Variants in NLRP13 observed in about 807,000 individuals in gnomAD.
The protein encoded by NLRP13 is NLR family pyrin domain containing 13.
NLRP13 carries 82 observed loss-of-function variants against 94.4 expected under a neutral mutation model. That is an observed-to-expected ratio of 0.87 (90% CI 0.73 to 1.04). The LOEUF is 1.04. NLRP13 is among the 50% of genes least tolerant of loss of function. The pLI, the probability that NLRP13 is intolerant of heterozygous loss-of-function variation, is 0.00. For missense variants in NLRP13, 1,426 were observed against 1,230.8 expected (o/e 1.16, Z -2.37); for synonymous variants, 553 against 464.7 (o/e 1.19, Z -2.45).
In NLRP13 at chr19:55,911,951, C is replaced by T. The variant is rs1358088255; in HGVS notation, c.1866G>A (p.Glu622=). The part of the protein sequence containing the change: ...VMEELLKWGE[E]LGKAESASLQ... Reference sequence around the variant, plus strand: ...GAGAGGCACTTTCAGCCTTACCTAACTCTTCTCCCCACTTTAATAATTCCT... The same window carrying T: ...GAGAGGCACTTTCAGCCTTACCTAATTCTTCTCCCCACTTTAATAATTCCT... The change falls in exon 5 of 11, where the codon GAG becomes GAA. Residue 622 remains glutamate, a synonymous_variant. Coordinates refer to ENST00000342929, the MANE Select transcript of NLRP13 (RefSeq NM_176810.2). 1.2e-6 allele frequency: 2 copies of T among 1,614,228 alleles called. No individual in the cohort carries two copies. The highest frequency in any genetic ancestry group is 1.3e-5 in the African/African-American group (1 of 75,064).
intron 5 of NLRP13, 144 bp from the exon 6 acceptor site, chr19:55,910,877 T>G: frequency 1.6e-6 from 1 of 635,094 alleles, no homozygotes; most frequent in South Asian, 2.6e-5. Context: ...CTCACGCCTG[T>G]AATCCCACCA....
chr19:55,924,512 A>G, intron 3 of NLRP13, 78 bp downstream of exon 3: 1 of 985,946 alleles, frequency 1.0e-6, no homozygotes, highest in Non-Finnish European at 1.6e-6. Flanking sequence ...AAATTTCAGC[A>G]TAGGCAGCAA....
At chr19:55,892,640 CGAACTCCT>C (rs1167385306), downstream of NLRP13, among the ~76,000 whole-genome samples, 1 of 152,044 alleles carries the variant, frequency 6.6e-6, no homozygotes, top group Non-Finnish European at 1.5e-5. Flanking sequence ...AGGCTGGTCT[CGAACTCCT>C]GACCTCAGGT....
chr19:55,930,900 A>ATTTTTT (rs56336813), intron 1 of NLRP13, among the ~76,000 whole-genome samples: 1,500 of 105,118 alleles, frequency 0.014, 37 homozygotes, highest in East Asian at 0.031. Context: ...ATATATATAA[A>ATTTTTT]ATTTTAACCA....
At chr19:55,931,193 G>T (rs1987123516) in intron 1 of NLRP13, among the ~76,000 whole-genome samples, 2 of 152,072 alleles carry the variant, frequency 1.3e-5, no homozygotes, top group South Asian at 4.1e-4. Context: ...TACTGAGGAA[G>T]CGGGTAGATG....
In NLRP13 at chr19:55,926,478, C is replaced by T. The variant is rs569172487; in HGVS notation, c.320-1443G>A. On this transcript the variant is annotated intron_variant, in intron 1 of 10. Coordinates refer to ENST00000342929, the MANE Select transcript of NLRP13 (RefSeq NM_176810.2). ...GGCATTCCTCCATTCTCTGGTGAGG[C>T]GCACTTATCTGAGTATGTTTTAAAT... Among the ~76,000 whole-genome samples the T allele has an allele frequency of 3.9e-5, 6 of 152,270 alleles. No homozygotes were observed. In the South Asian group the frequency reaches 1.0e-3, roughly 26 times the overall value.
intron 4 of NLRP13, among the ~76,000 whole-genome samples, chr19:55,917,628 A>C (rs1033901037): frequency 1.3e-5 from 2 of 151,988 alleles, no homozygotes; most frequent in African/African-American, 4.8e-5. Context: ...GAGTAGCTAT[A>C]CTTATATTAG....
chr19:55,926,079 G>C (rs1047363836), intron 1 of NLRP13, among the ~76,000 whole-genome samples: 1 of 152,146 alleles, frequency 6.6e-6, no homozygotes, highest in Non-Finnish European at 1.5e-5. Context: ...AAAAGTAGAC[G>C]ATTTTCCCCT....
chr19:55,928,872 T>A (rs1027469225), intron 1 of NLRP13, among the ~76,000 whole-genome samples: 2 of 151,916 alleles, frequency 1.3e-5, no homozygotes, highest in African/African-American at 2.4e-5. Flanking sequence ...TGGGAGAAAA[T>A]TTTTGTAATC....
chr19:55,901,610 G>C (rs1986177857), intron 9 of NLRP13, among the ~76,000 whole-genome samples: 1 of 152,150 alleles, frequency 6.6e-6, no homozygotes, highest in African/African-American at 2.4e-5. Flanking sequence ...GAAGAAGAAA[G>C]GATTGATCAG....
chr19:55,913,244 T>C lies in NLRP13; in HGVS notation c.573A>G (p.Thr191=). The change falls in exon 5 of 11, where the codon ACA becomes ACG. Residue 191 remains threonine (T), a synonymous_variant. Transcript: ENST00000342929. The part of the protein sequence containing the change: ...RENMKAELLE[T]WDNISWPKDH... ...CTTTAGGCCAACTGATGTTGTCCCA[T>C]GTCTCCAGTAGTTCAGCCTTCATGT... The C allele has an allele frequency of 6.2e-7, 1 of 1,614,172 alleles. No individual in the cohort carries two copies. Among genetic ancestry groups the C allele is most frequent in the Non-Finnish European group, 8.5e-7 (1 of 1,180,012 alleles).
intron 4 of NLRP13, among the ~76,000 whole-genome samples, chr19:55,921,771 G>A (rs1986834237): frequency 6.6e-6 from 1 of 152,142 alleles, no homozygotes; most frequent in African/African-American, 2.4e-5. Flanking sequence ...AAAAGACATA[G>A]CAGGTGGCAA....
intron 8 of NLRP13, 143 bp from the exon 9 acceptor site, chr19:55,902,348 G>A (rs898193613): frequency 1.2e-4 from 76 of 654,332 alleles, no homozygotes; most frequent in Non-Finnish European, 1.6e-4. Flanking sequence ...GCTGGACACC[G>A]ACCCAGGCTA....
chr19:55,906,215 G>A (rs1032934946), intron 7 of NLRP13, among the ~76,000 whole-genome samples: 4 of 151,370 alleles, frequency 2.6e-5, no homozygotes, highest in Non-Finnish European at 4.4e-5. Flanking sequence ...GTGTGTGACT[G>A]TAATTCCAGC....
chr19:55,899,121 TGA>T (rs1986097125), intron 9 of NLRP13, among the ~76,000 whole-genome samples, 184 bp from the exon 10 acceptor site: 1 of 151,914 alleles, frequency 6.6e-6, no homozygotes, highest in Non-Finnish European at 1.5e-5. Flanking sequence ...TCTATTTACC[TGA>T]GATAGAAAGC....
Position 55,913,140 on chromosome 19 carries a change from G to A in NLRP13, c.677C>T (p.Ala226Val). ...QRLLDPNRTR[A>V]QAQTIVLVGR... ...CACCAAGACTATCGTCTGGGCCTGG[G>A]CTCTAGTCCTATTAGGATCCAGTAG... is the stretch of plus-strand genomic sequence containing the variant. The change falls in exon 5 of 11, where the codon GCC becomes GTC. Residue 226 changes from alanine to valine, a missense_variant. Physicochemically the swap from Ala to Val is moderately conservative, Grantham distance 64. Transcript: ENST00000342929. 6.2e-7 allele frequency: 1 copy of A among 1,614,102 alleles called. No individual in the cohort carries two copies. Among genetic ancestry groups the A allele is most frequent in the East Asian group, 2.2e-5 (1 of 44,860 alleles).
chr19:55,926,517 G>A (rs761867589), intron 1 of NLRP13, among the ~76,000 whole-genome samples: 33 of 152,124 alleles, frequency 2.2e-4, no homozygotes, highest in Non-Finnish European at 3.5e-4. Flanking sequence ...AGAGGAGCAT[G>A]TTTTAGGTAA....
rs773534045 is a variant in NLRP13, at chr19:55,912,731, C to T, written c.1086G>A (p.Thr362=). The change falls in exon 5 of 11, where the codon ACG becomes ACA. Residue 362 remains threonine (T), a synonymous_variant. Transcript: ENST00000342929. ...ELVPLATLLI[T]IKTWFVRDLK... ...GATCTCTCACAAACCAGGTCTTGAT[C>T]GTGATCAGTAAGGTAGCCAGGGGAA... is the stretch of plus-strand genomic sequence containing the variant. 1.8e-5 allele frequency: 29 copies of T among 1,614,042 alleles called. No individual in the cohort carries two copies. Among genetic ancestry groups the T allele is most frequent in the East Asian group, 8.9e-5 (4 of 44,898 alleles).
At chr19:55,920,543 T>C (rs1434641766) in intron 4 of NLRP13, among the ~76,000 whole-genome samples, 1 of 148,346 alleles carries the variant, frequency 6.7e-6, no homozygotes, top group Admixed American at 6.7e-5. Context: ...AAGAAACATG[T>C]AAAAAAAAAA....
Sources: allele counts gnomAD v4.1 joint callset (sites outside exome capture counted in the v4.1 genomes callset), GRCh38; gene constraint gnomAD v4.1.1; transcripts MANE v1.5; gene names NCBI Gene and HGNC (gene_info 2026-07-23, HGNC 2026-07-21).